The following NDST4 variants were observed in gnomAD, a reference collection of about 807,000 sequenced individuals.
NDST4 encodes the protein N-heparan sulfate sulfotransferase 4.
A neutral mutation model predicts 100.8 loss-of-function variants in NDST4; 63 were observed. The observed-to-expected ratio is 0.62, with a 90% CI of 0.51 to 0.77. The LOEUF (loss-of-function observed/expected upper bound fraction) is 0.77, where lower values mean the gene tolerates loss of function less well. NDST4 is among the 30% of genes least tolerant of loss of function. NDST4 has a pLI of 0.00. For missense variants in NDST4, 943 were observed against 1,018.4 expected (o/e 0.93, Z 1.01); for synonymous variants, 377 against 361.8 (o/e 1.04, Z -0.48).
chr4:115,085,453 T>C (rs985771621), intron 1 of NDST4, among the ~76,000 whole-genome samples: 2 of 152,046 alleles, frequency 1.3e-5, no homozygotes, highest in Admixed American at 6.6e-5. Flanking sequence ...AATAATATGG[T>C]TTGGCTCTGT....
intron 6 of NDST4, among the ~76,000 whole-genome samples, chr4:114,913,986 G>A (rs1468145288): frequency 6.6e-6 from 1 of 151,948 alleles, no homozygotes; most frequent in Non-Finnish European, 1.5e-5. Flanking sequence ...AAACAACAAA[G>A]TACTATTCAA....
rs184029384 is a variant in NDST4, at chr4:115,008,299, T to A, written c.979-31025A>T. On this transcript the variant is annotated intron_variant, in intron 2 of 13. Transcript: ENST00000264363. ...TAGTTGATGCAGTTTCTTCCTAGACTCGATGGTCTTTACAATTTGGCATGA... is the reference window on the plus strand; with the variant it reads ...TAGTTGATGCAGTTTCTTCCTAGACACGATGGTCTTTACAATTTGGCATGA... Among the ~76,000 whole-genome samples, 837 of 129,454 alleles carry A rather than the reference T, an allele frequency of 6.5e-3. 230 individuals carry two copies. The highest frequency in any genetic ancestry group is 0.034 in the Middle Eastern group (8 of 232). 84.9% of individuals were successfully genotyped at this position (129,454 alleles called of 152,430 possible).
At chr4:114,966,080 T>A (rs568260654) in intron 4 of NDST4, among the ~76,000 whole-genome samples, 1 of 152,124 alleles carries the variant, frequency 6.6e-6, no homozygotes, top group Non-Finnish European at 1.5e-5. Context: ...CTAAGAAGGG[T>A]ATCTTGTAAC....
chr4:114,868,821 G>A (rs548393481), intron 7 of NDST4, among the ~76,000 whole-genome samples: 9 of 151,286 alleles, frequency 5.9e-5, no homozygotes, highest in Non-Finnish European at 1.3e-4. Flanking sequence ...ATAAACAACA[G>A]CAATGATGAA....
chr4:114,878,819 C>G (rs1258666851), intron 6 of NDST4, among the ~76,000 whole-genome samples: 1 of 151,638 alleles, frequency 6.6e-6, no homozygotes, highest in Non-Finnish European at 1.5e-5. Flanking sequence ...TATAATTTAA[C>G]TTATTTTATT....
chr4:114,980,133 A>T (rs1300156246), intron 2 of NDST4, among the ~76,000 whole-genome samples: 1 of 152,194 alleles, frequency 6.6e-6, no homozygotes, highest in Non-Finnish European at 1.5e-5. Context: ...TTAGGGCAAA[A>T]ATAATATGGA....
At chr4:114,957,800 T>C (rs1726171982) in intron 4 of NDST4, among the ~76,000 whole-genome samples, 2 of 152,148 alleles carry the variant, frequency 1.3e-5, no homozygotes, top group Admixed American at 6.5e-5. Flanking sequence ...TATGGGCCCA[T>C]GAAAGTCCAA....
At chr4:114,954,137 C>T (rs895022934) in intron 4 of NDST4, among the ~76,000 whole-genome samples, 3 of 152,104 alleles carry the variant, frequency 2.0e-5, no homozygotes, top group Admixed American at 2.0e-4. Context: ...ACTGCTCTGT[C>T]TTCCAGGGAA....
At chr4:114,952,110 C>T (rs1726002061) in intron 4 of NDST4, among the ~76,000 whole-genome samples, 1 of 151,968 alleles carries the variant, frequency 6.6e-6, no homozygotes, top group Non-Finnish European at 1.5e-5. Context: ...CATAAGACTA[C>T]AGAATGATCA....
intron 6 of NDST4, among the ~76,000 whole-genome samples, chr4:114,920,764 G>C (rs1239329771): frequency 6.6e-6 from 1 of 152,162 alleles, no homozygotes; most frequent in African/African-American, 2.4e-5. Flanking sequence ...AACACTGACT[G>C]TTCTGTTAGG....
chr4:114,960,578 A>C (rs1726240422), intron 4 of NDST4, among the ~76,000 whole-genome samples: 1 of 152,118 alleles, frequency 6.6e-6, no homozygotes, highest in South Asian at 2.1e-4. Flanking sequence ...GAAAGAAATA[A>C]AGAATGTTGG....
At chr4:114,853,060 C>G (rs1723713304) in intron 7 of NDST4, among the ~76,000 whole-genome samples, 1 of 152,110 alleles carries the variant, frequency 6.6e-6, no homozygotes, top group African/African-American at 2.4e-5. Flanking sequence ...CAGTGTTTGG[C>G]AAGGCTCTAA....
intron 2 of NDST4, among the ~76,000 whole-genome samples, chr4:115,022,165 C>T (rs369316382): frequency 1.4e-4 from 21 of 147,584 alleles, no homozygotes; most frequent in South Asian, 4.2e-4. Context: ...TATATATACA[C>T]GTTCCACGTC....
chr4:114,888,316 C>G (rs1038482253), intron 6 of NDST4, among the ~76,000 whole-genome samples: 1 of 151,972 alleles, frequency 6.6e-6, no homozygotes, highest in Admixed American at 6.6e-5. Context: ...AACCTTACTA[C>G]AAGTGATAAA....
chr4:115,055,279 T>G (rs1245194328), intron 2 of NDST4, among the ~76,000 whole-genome samples: 1 of 152,060 alleles, frequency 6.6e-6, no homozygotes, highest in Non-Finnish European at 1.5e-5. Flanking sequence ...TATTACAATG[T>G]AATAATAATA....
intron 4 of NDST4, among the ~76,000 whole-genome samples, chr4:114,956,402 A>G (rs1312228485): frequency 6.6e-6 from 1 of 152,206 alleles, no homozygotes; most frequent in Non-Finnish European, 1.5e-5. Flanking sequence ...AGATTTTAAC[A>G]GTAAGCAAGT....
intron 6 of NDST4, among the ~76,000 whole-genome samples, chr4:114,916,293 C>G (rs1193927784): frequency 6.6e-6 from 1 of 151,976 alleles, no homozygotes; most frequent in African/African-American, 2.4e-5. Context: ...TGTAAGTGCC[C>G]CCACATGTGA....
chr4:114,952,998 C>A (rs764102067), intron 4 of NDST4, among the ~76,000 whole-genome samples: 1 of 150,892 alleles, frequency 6.6e-6, no homozygotes, highest in Non-Finnish European at 1.5e-5. Flanking sequence ...AAACCGGGCA[C>A]ACAAGTTGGC....
intron 2 of NDST4, among the ~76,000 whole-genome samples, chr4:115,002,999 G>A (rs900646886): frequency 6.6e-6 from 1 of 152,102 alleles, no homozygotes; most frequent in Non-Finnish European, 1.5e-5. Context: ...AACACCATGT[G>A]TTCTCACTCA....
Sources: gnomAD v4.1 joint callset for allele counts (sites outside exome capture counted in the v4.1 genomes callset) on GRCh38, gnomAD v4.1.1 for gene constraint, MANE v1.5 for transcripts, NCBI Gene and HGNC (gene_info 2026-07-23, HGNC 2026-07-21) for gene names.